ABCA13: variants seen among roughly 807,000 people sequenced by gnomAD.
The protein encoded by ABCA13 is ATP-binding cassette sub-family A member 13.
A neutral mutation model predicts 478.7 loss-of-function variants in ABCA13; 476 were observed. That is an observed-to-expected ratio of 0.99 (90% CI 0.92 to 1.07). The LOEUF is 1.07. ABCA13 is among the 50% of genes least tolerant of loss of function. The pLI is 0.00. For synonymous variants in ABCA13, 2,252 were observed against 2,158.9 expected, an observed-to-expected ratio of 1.04 and a Z score of -1.20; for missense variants, 6,060 against 5,910.6, an observed-to-expected ratio of 1.03 and a Z score of -0.83.
chr7:48,427,299 T>TATATTTCC (rs1237636390), intron 41 of ABCA13, among the ~76,000 whole-genome samples: 3 of 152,348 alleles, frequency 2.0e-5, no homozygotes, highest in Non-Finnish European at 2.9e-5. Flanking sequence ...AGTGACATCA[T>TATATTTCC]ATATCATAGC....
At chr7:48,268,411 G>A (rs1397404188) in intron 15 of ABCA13, among the ~76,000 whole-genome samples, 7 of 151,826 alleles carry the variant, frequency 4.6e-5, no homozygotes, top group African/African-American at 1.7e-4. Flanking sequence ...CATCTGCCTC[G>A]GCCTCCCAAA....
chr7:48,253,059 C>T (rs1473666714), intron 15 of ABCA13, among the ~76,000 whole-genome samples: 1 of 152,172 alleles, frequency 6.6e-6, no homozygotes, highest in Non-Finnish European at 1.5e-5. Context: ...TATTCCACTT[C>T]CCTGCATACA....
chr7:48,503,348 C>T (rs1292522151), intron 48 of ABCA13, among the ~76,000 whole-genome samples: 1 of 152,112 alleles, frequency 6.6e-6, no homozygotes, highest in African/African-American at 2.4e-5. Context: ...CCTTGGCCTC[C>T]CAAAGGGCTG....
chr7:48,574,755 G>A (rs1379333204), intron 55 of ABCA13, among the ~76,000 whole-genome samples: 1 of 152,072 alleles, frequency 6.6e-6, no homozygotes, highest in Non-Finnish European at 1.5e-5. Context: ...CATTTTATAT[G>A]TGTGACTAAT....
In ABCA13 at chr7:48,268,410, C is replaced by T. The variant is rs372518293; in HGVS notation, c.2006-570C>T. Among the ~76,000 whole-genome samples the T allele has an allele frequency of 1.2e-3, 178 of 152,230 alleles. 1 individual carries two copies. Among genetic ancestry groups the T allele is most frequent in the African/African-American group, 3.9e-3 (163 of 41,536 alleles). ...CTGACCTCAGGTGATCCATCTGCCT[C>T]GGCCTCCCAAAGTGCTGGGATTACA... On this transcript the variant is annotated intron_variant, in intron 15 of 61. Coordinates refer to ENST00000435803, the MANE Select transcript of ABCA13 (RefSeq NM_152701.5).
At chr7:48,593,633 A>G (rs919355149) in intron 57 of ABCA13, among the ~76,000 whole-genome samples, 9 of 151,770 alleles carry the variant, frequency 5.9e-5, no homozygotes, top group African/African-American at 1.9e-4. Context: ...GCTAATTAGA[A>G]TCCTTTTATT....
At chr7:48,317,871 C>G (rs73697132) in intron 27 of ABCA13, among the ~76,000 whole-genome samples, 4 of 152,056 alleles carry the variant, frequency 2.6e-5, no homozygotes, top group Admixed American at 1.3e-4. Context: ...ATTGTTTAAC[C>G]TCTCTAATCT....
Position 48,275,275 on chromosome 7 carries a change from A to G in ABCA13, c.5609A>G (p.Asp1870Gly). The change falls in exon 17 of 62, where the codon GAT (aspartate) becomes GGT (glycine). Residue 1870 changes from aspartate to glycine, a missense_variant. Coordinates refer to ENST00000435803, the MANE Select transcript of ABCA13 (RefSeq NM_152701.5). Reference protein sequence around the residue: ...DHFHLSPQGEDSPCSNESSRM... With the variant: ...DHFHLSPQGEGSPCSNESSRM... Reference sequence around the variant, plus strand: ...TTCCACCTGTCTCCCCAAGGTGAAGATTCACCATGTTCAAATGAAAGCTCC... The same window carrying G: ...TTCCACCTGTCTCCCCAAGGTGAAGGTTCACCATGTTCAAATGAAAGCTCC... 1.9e-6 allele frequency: 3 copies of G among 1,613,894 alleles called. No homozygotes were observed. Among genetic ancestry groups the G allele is most frequent in the Non-Finnish European group, 2.5e-6 (3 of 1,179,856 alleles).
At chr7:48,227,550 A>G (rs1404145631) in intron 6 of ABCA13, 125 bp downstream of exon 6, 6 of 1,167,050 alleles carry the variant, frequency 5.1e-6, no homozygotes, top group Non-Finnish European at 7.2e-6. Flanking sequence ...TTACCTTGAA[A>G]CAAGAGGAGC....
chr7:48,405,413 A>G (rs1205925001), intron 39 of ABCA13, among the ~76,000 whole-genome samples: 1 of 152,256 alleles, frequency 6.6e-6, no homozygotes, highest in Non-Finnish European at 1.5e-5. Context: ...CACAAGATCA[A>G]GAAGACTCCT....
chr7:48,203,781 G>C lies in ABCA13; in HGVS notation c.287+5421G>C, dbSNP rs78614041. On this transcript the variant is annotated intron_variant, in intron 3 of 61. Coordinates refer to ENST00000435803, the MANE Select transcript of ABCA13 (RefSeq NM_152701.5). ...TCCCTTTCACTGTCTGACAACCTTC[G>C]GGAGGCGGATCGCCATACCCATGCT... Among the ~76,000 whole-genome samples the C allele has an allele frequency of 2.5e-3, 381 of 152,260 alleles. 5 individuals are homozygous for C. The highest frequency in any genetic ancestry group is 8.7e-3 in the African/African-American group (360 of 41,540).
intron 20 of ABCA13, among the ~76,000 whole-genome samples, chr7:48,289,451 C>T (rs187337644): frequency 1.1e-4 from 17 of 151,408 alleles, no homozygotes; most frequent in East Asian, 3.9e-4. Flanking sequence ...CTCTGCCTCC[C>T]GGGTTCAAGT....
intron 29 of ABCA13, among the ~76,000 whole-genome samples, chr7:48,341,893 T>TCTTTC: frequency 1.2e-5 from 1 of 86,274 alleles, no homozygotes; most frequent in African/African-American, 4.1e-5. Flanking sequence ...TATATATATA[T>TCTTTC]ATCTTTCTGA....
intron 59 of ABCA13, among the ~76,000 whole-genome samples, chr7:48,638,508 C>T (rs1794863868): frequency 6.6e-6 from 1 of 152,184 alleles, no homozygotes; most frequent in Non-Finnish European, 1.5e-5. Context: ...TGCCAGCTGC[C>T]AAACACTGTT....
At chr7:48,226,925 C>T (rs969744287) in intron 5 of ABCA13, among the ~76,000 whole-genome samples, 1 of 152,034 alleles carries the variant, frequency 6.6e-6, no homozygotes, top group Non-Finnish European at 1.5e-5. Context: ...ACATTCTTAT[C>T]CAGGATCTAT....
intron 42 of ABCA13, among the ~76,000 whole-genome samples, chr7:48,446,926 T>C (rs1033666090): frequency 6.6e-6 from 1 of 152,112 alleles, no homozygotes; most frequent in South Asian, 2.1e-4. Context: ...TAAAATGGAA[T>C]TGAAATAGAT....
At chr7:48,501,583 A>G (rs1187914751) in intron 48 of ABCA13, among the ~76,000 whole-genome samples, 16 of 152,172 alleles carry the variant, frequency 1.1e-4, no homozygotes, top group Non-Finnish European at 8.8e-5. Flanking sequence ...AGAGGCAGCC[A>G]CTGTAGTTTG....
chr7:48,633,583 A>G (rs1279240549), intron 59 of ABCA13, among the ~76,000 whole-genome samples: 3 of 152,060 alleles, frequency 2.0e-5, no homozygotes, highest in Admixed American at 6.6e-5. Context: ...GGAATATAAA[A>G]AATAAAAATT....
intron 59 of ABCA13, among the ~76,000 whole-genome samples, chr7:48,620,543 A>G (rs771453096): frequency 3.3e-5 from 5 of 152,174 alleles, no homozygotes; most frequent in Non-Finnish European, 5.9e-5. Context: ...TGTGACAACT[A>G]AAAATATCTC....
Sources: gnomAD v4.1 joint callset for allele counts (sites outside exome capture counted in the v4.1 genomes callset) on GRCh38, gnomAD v4.1.1 for gene constraint, MANE v1.5 for transcripts, NCBI Gene and HGNC (gene_info 2026-07-23, HGNC 2026-07-21) for gene names.